NRXN3: variants seen among roughly 807,000 people sequenced by gnomAD.
NRXN3 encodes neurexin 3.
In NRXN3, 32 loss-of-function variants were observed where a neutral mutation model predicts 137.6. That is an observed-to-expected ratio of 0.23 (90% CI 0.18 to 0.31). NRXN3 has a LOEUF of 0.31. NRXN3 is among the 10% of genes least tolerant of loss of function. The pLI, the probability that NRXN3 is intolerant of heterozygous loss-of-function variation, is 1.00. For synonymous variants in NRXN3, 798 were observed against 784.5 expected (o/e 1.02, Z -0.29); for missense variants, 1,574 against 2,062.5 (o/e 0.76, Z 4.59).
chr14:79,358,580 A>C (rs1433654713), intron 15 of NRXN3, among the ~76,000 whole-genome samples: 1 of 131,876 alleles, frequency 7.6e-6, no homozygotes, highest in Non-Finnish European at 1.6e-5. Flanking sequence ...AAAAAGAAAG[A>C]AAGAGAGAAA....
chr14:78,732,179 C>G (rs552912582), intron 8 of NRXN3, among the ~76,000 whole-genome samples: 1 of 152,266 alleles, frequency 6.6e-6, no homozygotes, highest in African/African-American at 2.4e-5. Flanking sequence ...CCTCCTTAGA[C>G]CTAAGTCTGC....
chr14:79,276,610 C>G (rs1421005547), intron 15 of NRXN3, among the ~76,000 whole-genome samples: 2 of 151,718 alleles, frequency 1.3e-5, no homozygotes, highest in African/African-American at 4.8e-5. Context: ...GATTTATTTT[C>G]TCTTTATTGC....
intron 4 of NRXN3, among the ~76,000 whole-genome samples, chr14:78,417,865 T>A (rs2093232425): frequency 6.6e-6 from 1 of 152,192 alleles, no homozygotes; most frequent in East Asian, 1.9e-4. Context: ...CAAGCGATTC[T>A]CCTCTCTTAG....
chr14:79,741,836 T>G (rs2098964358), intron 19 of NRXN3, among the ~76,000 whole-genome samples: 1 of 151,066 alleles, frequency 6.6e-6, no homozygotes, highest in South Asian at 2.1e-4. Context: ...ACACAGAGTA[T>G]GTATACGTAT....
At chr14:78,676,763 C>T (rs2098012291) in intron 6 of NRXN3, among the ~76,000 whole-genome samples, 1 of 152,082 alleles carries the variant, frequency 6.6e-6, no homozygotes, top group South Asian at 2.1e-4. Context: ...CTTTAGAGGA[C>T]AGGCTAAACT....
chr14:78,870,177 A>G (rs2099097847), intron 10 of NRXN3, among the ~76,000 whole-genome samples: 1 of 152,202 alleles, frequency 6.6e-6, no homozygotes, highest in Non-Finnish European at 1.5e-5. Flanking sequence ...AGATTTTACA[A>G]GGAAGTGCAC....
chr14:79,841,522 A>ATGCTCATTATGC (rs2099355786), intron 20 of NRXN3, among the ~76,000 whole-genome samples: 1 of 152,230 alleles, frequency 6.6e-6, no homozygotes, highest in Non-Finnish European at 1.5e-5. Context: ...GCGTAATGGT[A>ATGCTCATTATGC]TCAGTTCAGG....
Position 79,642,909 on chromosome 14 carries a change from G to C in NRXN3, c.3445-20869G>C, listed in dbSNP as rs2098439220. On this transcript the variant is annotated intron_variant, in intron 16 of 20. Coordinates refer to ENST00000335750, the MANE Select transcript of NRXN3 (RefSeq NM_001330195.2). ...AGTCAAATGCTTTGCAGCCAGGCAAGTAACAAATGTCTGGGTCAGAAGCTG... is the reference window on the plus strand; with the variant it reads ...AGTCAAATGCTTTGCAGCCAGGCAACTAACAAATGTCTGGGTCAGAAGCTG... 1.5e-5 allele frequency among the ~76,000 whole-genome samples: 2 copies of C among 136,324 alleles called. 1 individual carries two copies. The allele number at this position is 136,324 out of a possible 152,430, so 89.4% of individuals were successfully genotyped here. A position where few individuals can be genotyped will look rare whatever the true frequency, so the allele number is the denominator to read the frequency against.
At chr14:78,345,091 A>G (rs214016) in intron 4 of NRXN3, among the ~76,000 whole-genome samples, 144,753 of 152,260 alleles carry the variant, frequency 0.95, 68,881 homozygotes, top group East Asian at 1. Context: ...ATAAGGGAGG[A>G]CATGCACATG....
intron 10 of NRXN3, among the ~76,000 whole-genome samples, chr14:78,917,963 AAAAAAAAT>A (rs1412330206): frequency 1.8e-4 from 26 of 143,952 alleles, no homozygotes; most frequent in Non-Finnish European, 3.0e-4. Flanking sequence ...TTGCAAAAAT[AAAAAAAAT>A]AAAAAAATAA....
At chr14:78,246,578 A>G (rs549614739) in intron 2 of NRXN3, among the ~76,000 whole-genome samples, 2 of 152,324 alleles carry the variant, frequency 1.3e-5, no homozygotes, top group South Asian at 2.1e-4. Context: ...GGGAGGTAAC[A>G]GAATCTACTG....
chr14:79,469,547 G>T (rs1446401653), intron 16 of NRXN3, among the ~76,000 whole-genome samples: 1 of 152,050 alleles, frequency 6.6e-6, no homozygotes, highest in Non-Finnish European at 1.5e-5. Flanking sequence ...TATTTTCTTT[G>T]TATGAGCAAA....
chr14:78,651,876 T>C (rs1342077561), intron 6 of NRXN3, among the ~76,000 whole-genome samples: 1 of 152,146 alleles, frequency 6.6e-6, no homozygotes, highest in Non-Finnish European at 1.5e-5. Context: ...CAATTCAAGA[T>C]GAAATTTGGG....
intron 8 of NRXN3, among the ~76,000 whole-genome samples, chr14:78,795,577 A>G: frequency 8.0e-5 from 1 of 12,504 alleles, no homozygotes; most frequent in African/African-American, 8.7e-5. Context: ...ATGATTAAAT[A>G]AAATTAATTA....
chr14:78,393,183 A>ATT (rs59030425), intron 4 of NRXN3, among the ~76,000 whole-genome samples: 114 of 148,032 alleles, frequency 7.7e-4, no homozygotes, highest in East Asian at 5.5e-3. Flanking sequence ...AATACATGTG[A>ATT]TTTTTTTTTT....
intron 15 of NRXN3, among the ~76,000 whole-genome samples, chr14:79,264,172 T>TGAA (rs1389386193): frequency 6.6e-6 from 1 of 152,186 alleles, no homozygotes; most frequent in African/African-American, 2.4e-5. Context: ...CACTGCAACT[T>TGAA]CCGCCTCCCA....
intron 15 of NRXN3, among the ~76,000 whole-genome samples, chr14:79,386,810 C>T (rs1489569688): frequency 6.6e-6 from 1 of 152,126 alleles, no homozygotes; most frequent in Non-Finnish European, 1.5e-5. Flanking sequence ...TATCTACAAC[C>T]ATCTGATCTT....
At chr14:79,609,165 CCA>C (rs2098066055) in intron 16 of NRXN3, among the ~76,000 whole-genome samples, 1 of 151,946 alleles carries the variant, frequency 6.6e-6, no homozygotes, top group Non-Finnish European at 1.5e-5. Context: ...GAGAAAGTGT[CCA>C]CCATAGGACA....
intron 20 of NRXN3, among the ~76,000 whole-genome samples, chr14:79,815,208 G>C (rs1283518386): frequency 3.9e-5 from 6 of 152,142 alleles, no homozygotes; most frequent in Admixed American, 6.5e-5. Context: ...TGCTTTACTT[G>C]GAAGGATTTG....
Sources: allele counts gnomAD v4.1 joint callset (sites outside exome capture counted in the v4.1 genomes callset), GRCh38; gene constraint gnomAD v4.1.1; transcripts MANE v1.5; gene names NCBI Gene and HGNC (gene_info 2026-07-23, HGNC 2026-07-21).